ABHD5: variants seen among roughly 807,000 people sequenced by gnomAD.
ABHD5 encodes 1-acylglycerol-3-phosphate O-acyltransferase ABHD5.
In ABHD5, 30 loss-of-function variants were observed where a neutral mutation model predicts 44.9. That is an observed-to-expected ratio of 0.67 (90% CI 0.50 to 0.91). The LOEUF is 0.91. ABHD5 is among the 40% of genes least tolerant of loss of function. The probability of loss-of-function intolerance (pLI) is 0.00; values close to 1 mark genes in which losing one functional copy is unlikely to be tolerated. For missense variants in ABHD5, 399 were observed against 423.4 expected (o/e 0.94, Z 0.50); for synonymous variants, 167 against 147.0 (o/e 1.14, Z -0.99).
chr3:43,714,805 C>A, intron 4 of ABHD5, 142 bp from the exon 5 acceptor site: 1 of 580,994 alleles, frequency 1.7e-6, no homozygotes, highest in Non-Finnish European at 3.2e-6. Flanking sequence ...TTTTTCCCAC[C>A]TACAATATAT....
At chr3:43,696,900 C>G (rs1201557081) in intron 1 of ABHD5, among the ~76,000 whole-genome samples, 1 of 151,740 alleles carries the variant, frequency 6.6e-6, no homozygotes, top group African/African-American at 2.4e-5. Flanking sequence ...AGAAAAAAAC[C>G]CACTTTAAAA....
At chr3:43,698,735 C>T (rs191036461) in intron 1 of ABHD5, among the ~76,000 whole-genome samples, 58 of 152,306 alleles carry the variant, frequency 3.8e-4, no homozygotes, top group Admixed American at 7.8e-4. Flanking sequence ...GGAGATTGTA[C>T]GCAGACCAGC....
downstream of ABHD5, among the ~76,000 whole-genome samples, chr3:43,725,549 A>G (rs924398573): frequency 6.6e-6 from 1 of 152,252 alleles, no homozygotes; most frequent in Non-Finnish European, 1.5e-5. Flanking sequence ...CTTAAAGATT[A>G]GAAGGTTTCC....
downstream of ABHD5, among the ~76,000 whole-genome samples, chr3:43,724,456 G>C (rs942449129): frequency 2.0e-5 from 3 of 152,146 alleles, no homozygotes; most frequent in Non-Finnish European, 2.9e-5. Flanking sequence ...CAGCAATTTT[G>C]TTTCCAGGTT....
chr3:43,732,345 G>A (rs138120973), intron 7 of ABHD5, among the ~76,000 whole-genome samples: 5,856 of 152,154 alleles, frequency 0.038, 155 homozygotes, highest in South Asian at 0.058. Context: ...CAGGAGACTC[G>A]CTTGAACCTG....
At chr3:43,700,740 A>ATTTTTTTTTTTTTTT (rs1361660825) in intron 2 of ABHD5, among the ~76,000 whole-genome samples, 19 of 151,196 alleles carry the variant, frequency 1.3e-4, no homozygotes, top group South Asian at 8.5e-4. Context: ...TACCCAGCTA[A>ATTTTTTTTTTTTTTT]TTTTTGTATT....
chr3:43,701,227 C>T (rs2084538765), intron 2 of ABHD5, among the ~76,000 whole-genome samples: 1 of 152,140 alleles, frequency 6.6e-6, no homozygotes. Context: ...GCACTTAAGC[C>T]AAAGCAGCCC....
At position 43,718,771 on chromosome 3, in the gene ABHD5, C is replaced by T. The variant is rs2084799991; in HGVS notation, c.*239C>T. The T allele has an allele frequency of 2.2e-6, 1 of 459,542 alleles. No homozygotes were observed. The highest frequency in any genetic ancestry group is 3.7e-5 in the Admixed American group (1 of 27,042). The allele number at this position is 459,542 out of a possible 1,614,324, so 28.5% of individuals were successfully genotyped here. A position where few individuals can be genotyped will look rare whatever the true frequency, so the allele number is the denominator to read the frequency against. The stretch of plus-strand genomic sequence containing the variant: ...ATATACAAGTCTCTAAATATAATAC[C>T]TTTAAATAAAAGGTTATTTGTCCCT... On this transcript the variant is annotated 3_prime_UTR_variant, in exon 7 of 7. Coordinates refer to ENST00000644371, the MANE Select transcript of ABHD5 (RefSeq NM_016006.6).
At position 43,722,456 on chromosome 3, in the gene ABHD5, TTAG is replaced by T. The variant is rs1417174742; in HGVS notation, c.*3926_*3928del. 5.3e-5 allele frequency: 8 copies of T among 152,188 alleles called. No homozygotes were observed. The highest frequency in any genetic ancestry group is 2.6e-4 in the Admixed American group (4 of 15,282). 9.4% of individuals were successfully genotyped at this position (152,188 alleles called of 1,614,324 possible). A position where few individuals can be genotyped will look rare whatever the true frequency, so the allele number is the denominator to read the frequency against. On this transcript the variant is annotated 3_prime_UTR_variant, in exon 7 of 7. Coordinates refer to ENST00000644371, the MANE Select transcript of ABHD5 (RefSeq NM_016006.6). ...AATAACTAATAAAATGATCTCCTTG[TTAG>T]TGGTGGTAGGGAGCTAGACAAGGAT...
Position 43,702,415 on chromosome 3 carries a change from T to C in ABHD5, c.334T>C (p.Phe112Leu). Residue 112 changes from phenylalanine to leucine, a missense_variant, in exon 3 of 7, where the codon TTT becomes CTT. Phe to Leu is a conservative substitution (Grantham distance 22, BLOSUM62 0). Coordinates refer to ENST00000644371, the MANE Select transcript of ABHD5 (RefSeq NM_016006.6). ...RPVYAFDLLGFGRSSRPRFDS... is the reference protein window; with the variant it reads ...RPVYAFDLLGLGRSSRPRFDS... ...TGTCTATGCTTTTGACCTATTGGGT[T>C]TTGGACGAAGTAGTAGACCCAGGTT... 1 of 1,614,230 alleles carries C rather than the reference T, an allele frequency of 6.2e-7. No homozygotes were observed. The highest frequency in any genetic ancestry group is 8.5e-7 in the Non-Finnish European group (1 of 1,180,050).
chr3:43,698,579 T>C, intron 1 of ABHD5, among the ~76,000 whole-genome samples: 1 of 152,186 alleles, frequency 6.6e-6, no homozygotes, highest in East Asian at 1.9e-4. Flanking sequence ...TCCCCATGCC[T>C]TTCCTCACTA....
At chr3:43,714,385 G>A (rs1034911821) in intron 4 of ABHD5, among the ~76,000 whole-genome samples, 2 of 151,926 alleles carry the variant, frequency 1.3e-5, no homozygotes, top group African/African-American at 4.8e-5. Context: ...CGCCCACCTC[G>A]GTCTCCCAAA....
At chr3:43,701,304 G>C (rs1472215236) in intron 2 of ABHD5, among the ~76,000 whole-genome samples, 1 of 152,174 alleles carries the variant, frequency 6.6e-6, no homozygotes, top group Non-Finnish European at 1.5e-5. Context: ...CTGAATGAAT[G>C]TTAGGTTTCT....
upstream of ABHD5, chr3:43,690,934 G>C: frequency 1.3e-6 from 2 of 1,528,164 alleles, no homozygotes; most frequent in Non-Finnish European, 1.7e-6. Flanking sequence ...GCCCGGGGCG[G>C]CCCAGTCGGC....
At chr3:43,699,131 C>T in intron 1 of ABHD5, 145 bp from the exon 2 acceptor site, 1 of 727,282 alleles carries the variant, frequency 1.4e-6, no homozygotes. Context: ...ATGCTTTGTG[C>T]ATGTTAGGTC....
At position 43,704,591 on chromosome 3, in the gene ABHD5, C is replaced by T. The variant is rs143480449; in HGVS notation, c.506+2004C>T. Among the ~76,000 whole-genome samples, 528 of 152,228 alleles carry T rather than the reference C, an allele frequency of 3.5e-3. 2 individuals carry two copies. The highest frequency in any genetic ancestry group is 0.012 in the African/African-American group (488 of 41,526). ...AAACCCTAAGTCTTAGAATCCTGACCCTTCATAGCTCTCTACTGATAAGGT... is the reference window on the plus strand; with the variant it reads ...AAACCCTAAGTCTTAGAATCCTGACTCTTCATAGCTCTCTACTGATAAGGT... On this transcript the variant is annotated intron_variant, in intron 3 of 6. Coordinates refer to ENST00000644371, the MANE Select transcript of ABHD5 (RefSeq NM_016006.6).
chr3:43,691,305 G>A (rs937891580), intron 1 of ABHD5: 9 of 337,528 alleles, frequency 2.7e-5, no homozygotes, highest in African/African-American at 4.3e-5. Flanking sequence ...GACCCCGCGC[G>A]GAGGGTCCGC....
In ABHD5 at chr3:43,717,674, T is replaced by A; in HGVS notation, c.777T>A (p.Gly259=). ...IYHCNVQTPS[G]ETAFKNMTIP... ...GATTTTCTCCTTGCCGTTAAAGTGG[T>A]GAGACAGCTTTCAAGAATATGACTA... Residue 259 remains glycine (G), a synonymous_variant, in exon 6 of 7, where the codon GGT becomes GGA. Transcript: ENST00000644371. 1 of 1,614,204 alleles carries A rather than the reference T, an allele frequency of 6.2e-7. No individual in the cohort carries two copies. Among genetic ancestry groups the A allele is most frequent in the African/African-American group, 1.3e-5 (1 of 75,052 alleles).
At chr3:43,729,335 T>A (rs2084898561) in intron 7 of ABHD5, among the ~76,000 whole-genome samples, 1 of 152,214 alleles carries the variant, frequency 6.6e-6, no homozygotes, top group Non-Finnish European at 1.5e-5. Flanking sequence ...CGCAAATATC[T>A]CATCCTTACC....
Sources: allele counts gnomAD v4.1 joint callset (sites outside exome capture counted in the v4.1 genomes callset), GRCh38; gene constraint gnomAD v4.1.1; transcripts MANE v1.5; gene names NCBI Gene and HGNC (gene_info 2026-07-23, HGNC 2026-07-21).